ODAD2: variants seen among roughly 807,000 people sequenced by gnomAD.
ODAD2 encodes the protein outer dynein arm-docking complex subunit 2.
A neutral mutation model predicts 106.8 loss-of-function variants in ODAD2; 89 were observed. The ratio of observed to expected loss-of-function variants is 0.83; its 90% CI spans 0.70 to 0.99. The LOEUF is 0.99. Ranked by LOEUF, ODAD2 falls within the 50% of genes least tolerant of loss-of-function variation. The probability of loss-of-function intolerance (pLI) is 0.00; values close to 1 mark genes in which losing one functional copy is unlikely to be tolerated. For synonymous variants in ODAD2, 404 were observed against 436.2 expected, an observed-to-expected ratio of 0.93 and a Z score of 0.92; for missense variants, 1,168 against 1,238.5, an observed-to-expected ratio of 0.94 and a Z score of 0.85.
chr10:27,944,281 C>T lies in ODAD2; in HGVS notation c.1684G>A (p.Val562Ile), dbSNP rs377571665. Residue 562 changes from valine to isoleucine, a missense_variant, in exon 12 of 20, where the codon GTT becomes ATT. Val to Ile is a conservative substitution (Grantham distance 29). Around this residue, in one of 3 missense-constraint regions of ODAD2, gnomAD observed 701 missense variants for 712.3 expected, o/e 0.98. Coordinates refer to ENST00000305242, the MANE Select transcript of ODAD2 (RefSeq NM_018076.5). ...KCLAAETIAN[V>I]AKFKRARRVV... ...CGCCGTGCTCTTTTAAACTTGGCAACATTCGCGATAGTCTCGGCTGCCAAA... is the reference window on the plus strand; with the variant it reads ...CGCCGTGCTCTTTTAAACTTGGCAATATTCGCGATAGTCTCGGCTGCCAAA... The T allele has an allele frequency of 2.0e-5, 32 of 1,613,888 alleles. No individual in the cohort carries two copies. The highest frequency in any genetic ancestry group is 2.6e-5 in the Non-Finnish European group (31 of 1,180,008).
chr10:27,888,480 G>A (rs981723436), intron 17 of ODAD2, among the ~76,000 whole-genome samples: 1 of 152,026 alleles, frequency 6.6e-6, no homozygotes, highest in Admixed American at 6.6e-5. Context: ...TTTGAAAAAT[G>A]TCTATTCATG....
Position 27,985,048 on chromosome 10 carries a change from G to A in ODAD2, c.546C>T (p.Leu182=). The part of the protein sequence containing the change: ...AMLLKQLDLH[L]LNHSLKHISL... ...AAATATGTTTTAGAGAATGATTGAG[G>A]AGGTGCAGATCCAATTGCTTAAGCA... is the stretch of plus-strand genomic sequence containing the variant. The change falls in exon 4 of 20, where the codon CTC becomes CTT. Residue 182 remains leucine, a synonymous_variant. Transcript: ENST00000305242. The A allele has an allele frequency of 6.2e-7, 1 of 1,608,910 alleles. No homozygotes were observed. The highest frequency in any genetic ancestry group is 1.1e-5 in the South Asian group (1 of 90,266).
At chr10:27,972,673 G>A (rs773939155) in intron 7 of ODAD2, among the ~76,000 whole-genome samples, 1 of 152,032 alleles carries the variant, frequency 6.6e-6, no homozygotes, top group Admixed American at 6.6e-5. Flanking sequence ...ATATTAACAG[G>A]GACGAAGAGG....
intron 16 of ODAD2, among the ~76,000 whole-genome samples, chr10:27,911,355 C>G (rs1844001463): frequency 6.6e-6 from 1 of 152,102 alleles, no homozygotes; most frequent in Non-Finnish European, 1.5e-5. Flanking sequence ...AATGACAGCG[C>G]AAGTGATGTG....
At chr10:27,995,915 A>G (rs1480819893) in intron 1 of ODAD2, among the ~76,000 whole-genome samples, 1 of 152,192 alleles carries the variant, frequency 6.6e-6, no homozygotes, top group Non-Finnish European at 1.5e-5. Context: ...AATGTGAGAG[A>G]TGTAGGAATA....
intron 2 of ODAD2, among the ~76,000 whole-genome samples, chr10:27,993,968 A>ATGTG (rs1365629219): frequency 2.7e-5 from 3 of 109,832 alleles, no homozygotes; most frequent in South Asian, 3.4e-4. Flanking sequence ...AAATATATAT[A>ATGTG]TATATATGTG....
intron 17 of ODAD2, among the ~76,000 whole-genome samples, chr10:27,878,045 T>C (rs1841462755): frequency 6.6e-6 from 1 of 152,184 alleles, no homozygotes; most frequent in Admixed American, 6.5e-5. Flanking sequence ...CAATTATTTA[T>C]TAAATTAAAT....
chr10:27,885,370 C>T (rs1426397488), intron 17 of ODAD2, among the ~76,000 whole-genome samples: 2 of 147,084 alleles, frequency 1.4e-5, no homozygotes, highest in African/African-American at 2.5e-5. Flanking sequence ...ATTAGCCAGG[C>T]ATGGTGGCAT....
At chr10:27,936,566 T>C (rs1032084170) in intron 15 of ODAD2, among the ~76,000 whole-genome samples, 160 bp downstream of exon 15, 1 of 152,220 alleles carries the variant, frequency 6.6e-6, no homozygotes, top group Non-Finnish European at 1.5e-5. Context: ...TCTATTCTTT[T>C]CTTTTCTATT....
intron 19 of ODAD2, among the ~76,000 whole-genome samples, chr10:27,817,858 G>A (rs1371970303): frequency 6.6e-6 from 1 of 151,994 alleles, no homozygotes; most frequent in East Asian, 1.9e-4. Context: ...TATCCAGTAG[G>A]GGGATTGCTG....
rs76116992 is a variant in ODAD2 at position 27,897,156 on chromosome 10, C to A, written c.2610+10507G>T. 9.6e-3 allele frequency among the ~76,000 whole-genome samples: 1,462 copies of A among 152,168 alleles called. 24 individuals carry two copies. Among genetic ancestry groups the A allele is most frequent in the African/African-American group, 0.033 (1,377 of 41,510 alleles). Reference sequence around the variant, plus strand: ...TCAAGTTCTCCTGGTTTTCCCATCCCCTTCCCACCCGCCTGCCTTCTTTCT... The same window carrying A: ...TCAAGTTCTCCTGGTTTTCCCATCCACTTCCCACCCGCCTGCCTTCTTTCT... On this transcript the variant is annotated intron_variant, in intron 17 of 19. Coordinates refer to ENST00000305242, the MANE Select transcript of ODAD2 (RefSeq NM_018076.5).
chr10:27,856,618 GCA>G (rs1256567633), intron 19 of ODAD2, among the ~76,000 whole-genome samples: 2 of 152,154 alleles, frequency 1.3e-5, no homozygotes, highest in Admixed American at 6.6e-5. Context: ...CTCTGGAATT[GCA>G]CAGTCTGGCA....
At chr10:27,911,124 G>A (rs770329274) in intron 16 of ODAD2, among the ~76,000 whole-genome samples, 1 of 152,054 alleles carries the variant, frequency 6.6e-6, no homozygotes, top group Non-Finnish European at 1.5e-5. Context: ...AACACTGGGC[G>A]GCACTTCAGC....
intron 19 of ODAD2, among the ~76,000 whole-genome samples, chr10:27,822,902 T>C (rs1273317351): frequency 1.3e-5 from 2 of 152,198 alleles, no homozygotes; most frequent in Admixed American, 6.5e-5. Context: ...TTTTCTTCCA[T>C]GTTTCTTCAC....
chr10:27,991,558 G>A (rs755642842), intron 2 of ODAD2, among the ~76,000 whole-genome samples: 5 of 152,168 alleles, frequency 3.3e-5, no homozygotes, highest in Non-Finnish European at 7.3e-5. Context: ...AACATCAAAT[G>A]AGAACTAAAG....
intron 9 of ODAD2, among the ~76,000 whole-genome samples, chr10:27,965,936 C>G (rs1224427196): frequency 6.6e-6 from 1 of 152,200 alleles, no homozygotes; most frequent in African/African-American, 2.4e-5. Context: ...ATGCTTATAT[C>G]AATTCATTCT....
chr10:27,866,975 ACTT>A (rs904854404), intron 17 of ODAD2, among the ~76,000 whole-genome samples: 3 of 152,082 alleles, frequency 2.0e-5, no homozygotes, highest in Admixed American at 1.3e-4. Flanking sequence ...AAATCACAGA[ACTT>A]CTTTTTTTTT....
At chr10:27,952,085 A>AAAAAAAAAAAAAAAAAAAAAAAAAAAAAC (rs1847375586) in intron 10 of ODAD2, among the ~76,000 whole-genome samples, 1 of 150,084 alleles carries the variant, frequency 6.7e-6, no homozygotes, top group Non-Finnish European at 1.5e-5. Flanking sequence ...AAAAAAAAAA[A>AAAAAAAAAAAAAAAAAAAAAAAAAAAAAC]AAAAAAAGAC....
intron 17 of ODAD2, among the ~76,000 whole-genome samples, chr10:27,898,742 T>G (rs532616694): frequency 5.1e-4 from 78 of 152,206 alleles, no homozygotes; most frequent in Non-Finnish European, 1.0e-3. Context: ...ATTTGTGATA[T>G]GTATTGATAT....
Sources: allele counts gnomAD v4.1 joint callset (sites outside exome capture counted in the v4.1 genomes callset), GRCh38; gene constraint gnomAD v4.1.1; regional missense constraint gnomAD v4.1.1; transcripts MANE v1.5; gene names NCBI Gene and HGNC (gene_info 2026-07-23, HGNC 2026-07-21).